The following NOVA1 variants were observed in gnomAD, a reference collection of about 807,000 sequenced individuals.
NOVA1 encodes the protein RNA-binding protein Nova-1.
Under a neutral mutation model 38.0 loss-of-function variants are expected in NOVA1, and 7 were observed. The observed-to-expected ratio is 0.18, with a 90% confidence interval of 0.10 to 0.35. NOVA1 has a LOEUF of 0.35. Ranked by LOEUF, NOVA1 falls within the 10% of genes least tolerant of loss-of-function variation. The pLI is 1.00. For synonymous variants in NOVA1, 270 were observed against 232.5 expected, an observed-to-expected ratio of 1.16 and a Z score of -1.47; for missense variants, 460 against 616.0, an observed-to-expected ratio of 0.75 and a Z score of 2.68.
chr14:26,475,487 A>G (rs1477166179), intron 3 of NOVA1, among the ~76,000 whole-genome samples: 1 of 152,218 alleles, frequency 6.6e-6, no homozygotes, highest in South Asian at 2.1e-4. Flanking sequence ...ATATACTGAT[A>G]TATTAGTTAG....
chr14:26,511,376 C>G (rs1433213127), intron 2 of NOVA1, among the ~76,000 whole-genome samples: 1 of 152,038 alleles, frequency 6.6e-6, no homozygotes, highest in Non-Finnish European at 1.5e-5. Context: ...CAATCAATAG[C>G]CAAAACATAC....
At chr14:26,593,464 G>A (rs1306771335) in intron 2 of NOVA1, 1 of 151,770 alleles carries the variant, frequency 6.6e-6, no homozygotes, top group African/African-American at 2.4e-5. Context: ...AAACTACGAG[G>A]CTTTATTTTA....
At chr14:26,492,309 G>A (rs1162481608) in intron 2 of NOVA1, among the ~76,000 whole-genome samples, 1 of 152,196 alleles carries the variant, frequency 6.6e-6, no homozygotes, top group Non-Finnish European at 1.5e-5. Flanking sequence ...TCCGCAAATA[G>A]AGATAGTGGT....
chr14:26,469,667 G>A (rs1407277012), intron 4 of NOVA1, among the ~76,000 whole-genome samples: 1 of 152,132 alleles, frequency 6.6e-6, no homozygotes, highest in Non-Finnish European at 1.5e-5. Flanking sequence ...ATGGCTCACT[G>A]CAGCCTCGAA....
chr14:26,453,978 C>T (rs888289866), intron 4 of NOVA1, among the ~76,000 whole-genome samples: 1 of 152,022 alleles, frequency 6.6e-6, no homozygotes, highest in Non-Finnish European at 1.5e-5. Context: ...CAACAGAGCC[C>T]CTGTTTTCCT....
intron 2 of NOVA1, among the ~76,000 whole-genome samples, chr14:26,544,295 G>C (rs565512512): frequency 1.4e-4 from 21 of 152,084 alleles, no homozygotes; most frequent in African/African-American, 5.1e-4. Flanking sequence ...ACCGCATCAA[G>C]GAACTATAGT....
At chr14:26,596,450 C>T (rs1594603297) in intron 1 of NOVA1, 1 of 916,728 alleles carries the variant, frequency 1.1e-6, no homozygotes, top group East Asian at 6.3e-5. Flanking sequence ...TTGATCACAT[C>T]TTATACAGGA....
At chr14:26,499,718 G>C (rs920460896) in intron 2 of NOVA1, among the ~76,000 whole-genome samples, 2 of 152,042 alleles carry the variant, frequency 1.3e-5, no homozygotes, top group Admixed American at 6.6e-5. Context: ...GGCAATTTAG[G>C]TAGGGCTTTC....
rs187917037 is a variant in NOVA1 at position 26,537,575 on chromosome 14, A to G, written c.281-57432T>C. 2.2e-3 allele frequency among the ~76,000 whole-genome samples: 331 copies of G among 152,304 alleles called. 1 individual carries two copies. The highest frequency in any genetic ancestry group is 7.6e-3 in the African/African-American group (318 of 41,582). ...AGGGAAAGAACACAAGTATAAGATT[A>G]TAACAAATGGTTAATGCCCTTATAT... On this transcript the variant is annotated intron_variant, in intron 2 of 4. Coordinates refer to ENST00000539517, the MANE Select transcript of NOVA1 (RefSeq NM_002515.3).
At chr14:26,482,468 T>C (rs534779621) in intron 2 of NOVA1, among the ~76,000 whole-genome samples, 132 of 152,182 alleles carry the variant, frequency 8.7e-4, no homozygotes, top group Non-Finnish European at 1.6e-3. Flanking sequence ...AGGTGTATGA[T>C]CAAACTGTGT....
At chr14:26,556,140 T>C (rs568220938) in intron 2 of NOVA1, among the ~76,000 whole-genome samples, 1 of 152,248 alleles carries the variant, frequency 6.6e-6, no homozygotes, top group East Asian at 1.9e-4. Context: ...ATTTGGCAGA[T>C]ATCAATTAAC....
chr14:26,473,393 G>T (rs1884741665), intron 3 of NOVA1, among the ~76,000 whole-genome samples: 1 of 151,712 alleles, frequency 6.6e-6, no homozygotes, highest in African/African-American at 2.4e-5. Flanking sequence ...TTTCTAAACA[G>T]GTGAAATGGG....
intron 2 of NOVA1, among the ~76,000 whole-genome samples, chr14:26,583,881 T>TCA (rs36218600): frequency 0.075 from 10,912 of 145,864 alleles, 554 homozygotes; most frequent in African/African-American, 0.15. Flanking sequence ...AGCATCAAAT[T>TCA]CACACACACA....
chr14:26,546,608 T>C (rs1362252471), intron 2 of NOVA1, among the ~76,000 whole-genome samples: 1 of 152,216 alleles, frequency 6.6e-6, no homozygotes, highest in Non-Finnish European at 1.5e-5. Context: ...CCAATTTCAC[T>C]ATTTCTTCAG....
intron 3 of NOVA1, among the ~76,000 whole-genome samples, chr14:26,478,203 TATGATAGCCTGTAAATCTCATAC>T (rs1885144278): frequency 6.6e-6 from 1 of 151,954 alleles, no homozygotes; most frequent in Admixed American, 6.6e-5. Context: ...GCACTGGATA[TATGATAGCCTGTAAATCTCATAC>T]TGCCATATAG....
At chr14:26,520,089 A>C (rs185211007) in intron 2 of NOVA1, among the ~76,000 whole-genome samples, 1 of 152,360 alleles carries the variant, frequency 6.6e-6, no homozygotes, top group Non-Finnish European at 1.5e-5. Context: ...CTTATTTAAC[A>C]TATATTGTTG....
intron 2 of NOVA1, among the ~76,000 whole-genome samples, chr14:26,492,828 G>A (rs1194172584): frequency 3.9e-5 from 6 of 151,922 alleles, no homozygotes; most frequent in Non-Finnish European, 8.8e-5. Flanking sequence ...AGCCAGGCAT[G>A]GGGGTGTGCA....
intron 2 of NOVA1, among the ~76,000 whole-genome samples, chr14:26,551,062 A>C (rs1204052626): frequency 6.6e-6 from 1 of 152,032 alleles, no homozygotes; most frequent in African/African-American, 2.4e-5. Context: ...GAAACTGCAT[A>C]CTAAAATAAA....
At position 26,479,928 on chromosome 14, in the gene NOVA1, T is replaced by A. The variant is rs769709852; in HGVS notation, c.447+49A>T. Reference sequence around the variant, plus strand: ...TTTAAGGCTTCTTTTGTAAGGAACTTATACTATGCTGTGGATATTTCTCTT... The same window carrying A: ...TTTAAGGCTTCTTTTGTAAGGAACTAATACTATGCTGTGGATATTTCTCTT... On this transcript the variant is annotated intron_variant, in intron 3 of 4. Transcript: ENST00000539517. The A allele has an allele frequency of 2.7e-5, 43 of 1,581,820 alleles. No homozygotes were observed. The South Asian group carries it at 4.8e-4, about 18-fold the overall frequency.
Sources: gnomAD v4.1 joint callset for allele counts (sites outside exome capture counted in the v4.1 genomes callset) on GRCh38, gnomAD v4.1.1 for gene constraint, MANE v1.5 for transcripts, NCBI Gene and HGNC (gene_info 2026-07-23, HGNC 2026-07-21) for gene names.